PTPRG: variants seen among roughly 807,000 people sequenced by gnomAD.
PTPRG encodes the protein receptor-type tyrosine-protein phosphatase gamma.
In PTPRG, 102 loss-of-function variants were observed where a neutral mutation model predicts 165.3. That is an observed-to-expected ratio of 0.62 (90% CI 0.53 to 0.73). The LOEUF is 0.73. PTPRG is among the 30% of genes least tolerant of loss of function. The probability of loss-of-function intolerance (pLI) is 0.00; values close to 1 mark genes in which losing one functional copy is unlikely to be tolerated. For missense variants in PTPRG, 1,866 were observed against 1,861.4 expected, an observed-to-expected ratio of 1.00 and a Z score of -0.05; for synonymous variants, 675 against 669.5, an observed-to-expected ratio of 1.01 and a Z score of -0.13.
chr3:61,909,661 CAGTTATG>C (rs2038751848), intron 2 of PTPRG, among the ~76,000 whole-genome samples: 1 of 150,444 alleles, frequency 6.6e-6, no homozygotes, highest in African/African-American at 2.5e-5. Flanking sequence ...GCTGGGTTTA[CAGTTATG>C]AGCCATGGCA....
chr3:61,831,462 C>CTTT (rs1221043829), intron 2 of PTPRG, among the ~76,000 whole-genome samples: 1 of 152,136 alleles, frequency 6.6e-6, no homozygotes, highest in Non-Finnish European at 1.5e-5. Context: ...CAGGTGACAC[C>CTTT]TGTTTTTTTG....
intron 1 of PTPRG, among the ~76,000 whole-genome samples, chr3:61,710,830 A>T (rs1575603309): frequency 6.6e-6 from 1 of 152,014 alleles, no homozygotes. Flanking sequence ...GTGCAGGTTT[A>T]TTACATAGGT....
chr3:61,662,329 C>T (rs1376576973), intron 1 of PTPRG, among the ~76,000 whole-genome samples: 1 of 152,186 alleles, frequency 6.6e-6, no homozygotes, highest in Admixed American at 6.5e-5. Context: ...GTTGTGAGGA[C>T]ACTCAAGCAG....
At chr3:61,708,248 A>G (rs1288497729) in intron 1 of PTPRG, among the ~76,000 whole-genome samples, 2 of 151,994 alleles carry the variant, frequency 1.3e-5, no homozygotes, top group Non-Finnish European at 2.9e-5. Context: ...ATGTCAGGGC[A>G]ACTTTGAATA....
At chr3:61,743,121 C>T (rs1460165439) in intron 1 of PTPRG, 12 of 1,347,840 alleles carry the variant, frequency 8.9e-6, no homozygotes, top group African/African-American at 2.9e-5. Context: ...TCTCACGCCG[C>T]GCTAACCGGA....
At chr3:61,769,174 T>C (rs140674438) in intron 2 of PTPRG, 6 of 152,314 alleles carry the variant, frequency 3.9e-5, no homozygotes, top group Admixed American at 1.3e-4. Flanking sequence ...TTTTGCGTAA[T>C]ACCTTCCTTA....
intron 1 of PTPRG, among the ~76,000 whole-genome samples, chr3:61,672,152 C>T (rs1448249951): frequency 1.4e-5 from 2 of 147,910 alleles, no homozygotes; most frequent in Non-Finnish European, 3.0e-5. Context: ...CCTCACTTCC[C>T]AGATGTGATG....
Position 61,908,964 on chromosome 3 carries a change from C to T in PTPRG, c.191-80661C>T, listed in dbSNP as rs921579219. On this transcript the variant is annotated intron_variant, in intron 2 of 29. Coordinates refer to ENST00000474889, the MANE Select transcript of PTPRG (RefSeq NM_002841.4). ...CTACTGTTCCTTTCACTGACTTGCCCTTTCACTAGATATGCTATCTTTTCT... is the reference window on the plus strand; with the variant it reads ...CTACTGTTCCTTTCACTGACTTGCCTTTTCACTAGATATGCTATCTTTTCT... Among the ~76,000 whole-genome samples, 68 of 152,112 alleles carry T rather than the reference C, an allele frequency of 4.5e-4. 1 individual carries two copies. Among genetic ancestry groups the T allele is most frequent in the African/African-American group, 1.5e-3 (61 of 41,428 alleles).
At chr3:62,261,424 A>G (rs1454770071) in intron 16 of PTPRG, among the ~76,000 whole-genome samples, 3 of 152,216 alleles carry the variant, frequency 2.0e-5, no homozygotes, top group Non-Finnish European at 4.4e-5. Context: ...CTCATTTTAG[A>G]GAAGAGCCAA....
At position 62,215,530 on chromosome 3, in the gene PTPRG, C is replaced by T. The variant is rs1265257560; in HGVS notation, c.2156-3321C>T. 6.0e-5 allele frequency among the ~76,000 whole-genome samples: 9 copies of T among 149,050 alleles called. No individual in the cohort carries two copies. In the East Asian group the frequency reaches 1.8e-3, roughly 29 times the overall value. On this transcript the variant is annotated intron_variant, in intron 12 of 29. Transcript: ENST00000474889. ...TCCACAGTGGGATTTCAGATAGGCTCCAACCCCCTACGGGAACCCCCCCCC... is the reference window on the plus strand; with the variant it reads ...TCCACAGTGGGATTTCAGATAGGCTTCAACCCCCTACGGGAACCCCCCCCC...
chr3:62,128,436 G>A (rs1459874166), intron 5 of PTPRG, among the ~76,000 whole-genome samples: 1 of 152,054 alleles, frequency 6.6e-6, no homozygotes, highest in African/African-American at 2.4e-5. Context: ...TTTGAAATTT[G>A]AACTCAGGGA....
At chr3:61,897,119 T>G (rs1006090387) in intron 2 of PTPRG, among the ~76,000 whole-genome samples, 6 of 152,152 alleles carry the variant, frequency 3.9e-5, no homozygotes, top group African/African-American at 1.4e-4. Flanking sequence ...TTTCCTTTTA[T>G]AGATCATGCT....
At chr3:62,257,918 C>T (rs1030112716) in intron 16 of PTPRG, among the ~76,000 whole-genome samples, 6 of 152,032 alleles carry the variant, frequency 3.9e-5, no homozygotes, top group Non-Finnish European at 4.4e-5. Flanking sequence ...GACCTATGAC[C>T]GTACCACTGC....
chr3:61,585,860 G>A (rs1700422617), intron 1 of PTPRG, among the ~76,000 whole-genome samples: 1 of 152,222 alleles, frequency 6.6e-6, no homozygotes, highest in Non-Finnish European at 1.5e-5. Flanking sequence ...TTGGTCAGTG[G>A]CACAAAATTC....
intron 1 of PTPRG, among the ~76,000 whole-genome samples, chr3:61,630,685 C>T (rs1202365206): frequency 2.0e-5 from 3 of 152,100 alleles, no homozygotes; most frequent in Non-Finnish European, 4.4e-5. Context: ...GTCTCTTTGA[C>T]CACAAGGGTA....
intron 4 of PTPRG, among the ~76,000 whole-genome samples, chr3:62,008,982 G>C (rs146677055): frequency 0.022 from 3,360 of 152,252 alleles, 53 homozygotes; most frequent in South Asian, 0.083. Context: ...GTAAGGTCTG[G>C]AACTACACCC....
At chr3:61,620,372 G>A (rs1309021895) in intron 1 of PTPRG, among the ~76,000 whole-genome samples, 1 of 152,144 alleles carries the variant, frequency 6.6e-6, no homozygotes, top group East Asian at 1.9e-4. Context: ...GTGATATATG[G>A]GGCTATTGAT....
intron 2 of PTPRG, among the ~76,000 whole-genome samples, chr3:61,809,706 A>G (rs1317263634): frequency 6.6e-6 from 1 of 152,214 alleles, no homozygotes; most frequent in South Asian, 2.1e-4. Context: ...CTGTATTAAT[A>G]TGAAGGGGAA....
At chr3:62,212,917 C>T (rs959373556) in intron 12 of PTPRG, among the ~76,000 whole-genome samples, 4 of 152,182 alleles carry the variant, frequency 2.6e-5, no homozygotes, top group Non-Finnish European at 4.4e-5. Context: ...TAACCCAAGT[C>T]AGGCAGGAAT....
Sources: allele counts gnomAD v4.1 joint callset (sites outside exome capture counted in the v4.1 genomes callset), GRCh38; gene constraint gnomAD v4.1.1; transcripts MANE v1.5; gene names NCBI Gene and HGNC (gene_info 2026-07-23, HGNC 2026-07-21).